The following SLC25A48 variants were observed in gnomAD, a reference collection of about 807,000 sequenced individuals.
SLC25A48 encodes the protein CTC-321K16.1.
Under a neutral mutation model 32.2 loss-of-function variants are expected in SLC25A48, and 29 were observed. That is an observed-to-expected ratio of 0.90 (90% CI 0.67 to 1.23). SLC25A48 has a LOEUF of 1.23. SLC25A48 is among the 50% of genes most tolerant of loss of function. SLC25A48 has a pLI of 0.00. For synonymous variants in SLC25A48, 164 were observed against 172.3 expected, an observed-to-expected ratio of 0.95 and a Z score of 0.38; for missense variants, 399 against 422.7, an observed-to-expected ratio of 0.94 and a Z score of 0.49.
chr5:135,768,919 C>T (rs1387367147), intron 3 of SLC25A48, among the ~76,000 whole-genome samples: 20 of 151,774 alleles, frequency 1.3e-4, no homozygotes, highest in Admixed American at 1.3e-3. Context: ...CTCGCAATAT[C>T]GCAGGGGTTG....
chr5:135,635,863 G>A (rs994078342), intron 3 of SLC25A48, among the ~76,000 whole-genome samples: 4 of 152,146 alleles, frequency 2.6e-5, no homozygotes, highest in South Asian at 2.1e-4. Flanking sequence ...GCCCATTCCA[G>A]TCATCGTTCC....
chr5:135,602,191 C>T (rs1034695406), intron 1 of SLC25A48, among the ~76,000 whole-genome samples: 1 of 152,160 alleles, frequency 6.6e-6, no homozygotes, highest in Admixed American at 6.5e-5. Context: ...TGTTTGGATT[C>T]GTATATGCTT....
intron 4 of SLC25A48, among the ~76,000 whole-genome samples, chr5:135,865,959 C>T (rs1041135735): frequency 1.3e-5 from 2 of 152,158 alleles, no homozygotes; most frequent in African/African-American, 4.8e-5. Flanking sequence ...GAAAAATGGG[C>T]ACATATGTAT....
At chr5:135,789,820 T>C (rs1004122260) in intron 3 of SLC25A48, among the ~76,000 whole-genome samples, 1 of 152,024 alleles carries the variant, frequency 6.6e-6, no homozygotes, top group African/African-American at 2.4e-5. Context: ...TTGTAATATC[T>C]ACATTGGAAT....
intron 3 of SLC25A48, among the ~76,000 whole-genome samples, chr5:135,851,748 G>A (rs759200772): frequency 6.6e-6 from 1 of 152,128 alleles, no homozygotes; most frequent in Non-Finnish European, 1.5e-5. Flanking sequence ...GATTTGGCAC[G>A]CGTGTGCTGC....
At chr5:135,682,498 A>G (rs1329877442) in intron 3 of SLC25A48, among the ~76,000 whole-genome samples, 1 of 152,176 alleles carries the variant, frequency 6.6e-6, no homozygotes, top group Non-Finnish European at 1.5e-5. Flanking sequence ...GTGCATACCT[A>G]TGTGTGAGCA....
intron 6 of SLC25A48, among the ~76,000 whole-genome samples, chr5:135,878,584 G>T (rs1456415982): frequency 6.6e-6 from 1 of 152,146 alleles, no homozygotes; most frequent in Non-Finnish European, 1.5e-5. Context: ...GCTGTGAGGT[G>T]CTGGCACCTC....
chr5:135,631,296 A>G (rs1208968040), intron 2 of SLC25A48, among the ~76,000 whole-genome samples: 1 of 152,238 alleles, frequency 6.6e-6, no homozygotes, highest in Non-Finnish European at 1.5e-5. Flanking sequence ...TTGGCTCTGC[A>G]TTCCTCATGG....
chr5:135,800,677 G>C (rs902240987), intron 3 of SLC25A48, among the ~76,000 whole-genome samples: 1 of 151,802 alleles, frequency 6.6e-6, no homozygotes, highest in Non-Finnish European at 1.5e-5. Context: ...TAAACACCTT[G>C]AGTGTACACC....
chr5:135,671,534 C>T (rs958513082), intron 3 of SLC25A48: 1 of 152,222 alleles, frequency 6.6e-6, no homozygotes, highest in Non-Finnish European at 1.5e-5. Flanking sequence ...ATGCATATCC[C>T]AGCTGGCTGA....
chr5:135,833,765 C>G (rs934309403), upstream of SLC25A48, among the ~76,000 whole-genome samples: 4 of 152,214 alleles, frequency 2.6e-5, no homozygotes, highest in Non-Finnish European at 5.9e-5. Flanking sequence ...CAAGTCCCCA[C>G]TCCTCAGTGG....
chr5:135,658,543 T>C (rs1753308472), intron 3 of SLC25A48, among the ~76,000 whole-genome samples: 1 of 152,140 alleles, frequency 6.6e-6, no homozygotes, highest in Non-Finnish European at 1.5e-5. Context: ...TCTGGAGGAT[T>C]ATGGCCCTCT....
intron 3 of SLC25A48, among the ~76,000 whole-genome samples, chr5:135,658,442 C>G (rs969564200): frequency 6.6e-6 from 1 of 152,196 alleles, no homozygotes; most frequent in Non-Finnish European, 1.5e-5. Flanking sequence ...CAGGGTATAG[C>G]CCTCTCAACT....
At chr5:135,789,210 C>A (rs1413152054) in intron 3 of SLC25A48, among the ~76,000 whole-genome samples, 6 of 22,516 alleles carry the variant, frequency 2.7e-4, no homozygotes, top group African/African-American at 4.0e-4. Context: ...TCCCCCGCCA[C>A]GATATGGTTT....
At chr5:135,786,383 T>C (rs988257283) in intron 3 of SLC25A48, among the ~76,000 whole-genome samples, 1 of 152,108 alleles carries the variant, frequency 6.6e-6, no homozygotes, top group Non-Finnish European at 1.5e-5. Context: ...AAAATGTTAC[T>C]CCTAATGTCA....
intron 3 of SLC25A48, among the ~76,000 whole-genome samples, chr5:135,696,444 A>G (rs1001986962): frequency 6.6e-6 from 1 of 152,212 alleles, no homozygotes; most frequent in Non-Finnish European, 1.5e-5. Context: ...GAAGAGAGAG[A>G]CAGTCCTGGC....
upstream of SLC25A48, among the ~76,000 whole-genome samples, chr5:135,834,451 G>A (rs1246766407): frequency 6.6e-6 from 1 of 152,260 alleles, no homozygotes; most frequent in Non-Finnish European, 1.5e-5. Context: ...TGCCGTCTCT[G>A]GATGGGCGGC....
intron 2 of SLC25A48, among the ~76,000 whole-genome samples, chr5:135,847,049 A>G (rs1460984260): frequency 2.0e-5 from 3 of 152,228 alleles, no homozygotes; most frequent in African/African-American, 7.2e-5. Flanking sequence ...TTGATTCTAC[A>G]TAACCAGGAG....
chr5:135,796,796 G>C (rs1014138595), intron 3 of SLC25A48, among the ~76,000 whole-genome samples: 6 of 151,468 alleles, frequency 4.0e-5, no homozygotes, highest in Admixed American at 2.6e-4. Flanking sequence ...GGGGGAAAAA[G>C]GATGATATTA....
Sources: gnomAD v4.1 joint callset for allele counts (sites outside exome capture counted in the v4.1 genomes callset) on GRCh38, gnomAD v4.1.1 for gene constraint, MANE v1.5 for transcripts, NCBI Gene and HGNC (gene_info 2026-07-23, HGNC 2026-07-21) for gene names.